WWOX: variants seen among roughly 807,000 people sequenced by gnomAD.
The protein encoded by WWOX is WW domain-containing oxidoreductase.
Under a neutral mutation model 46.2 loss-of-function variants are expected in WWOX, and 69 were observed. That is an observed-to-expected ratio of 1.49 (90% CI 1.23 to 1.82). The LOEUF (loss-of-function observed/expected upper bound fraction) is 1.82. Ranked by LOEUF, WWOX falls within the 40% of genes most tolerant of loss-of-function variation. The probability of loss-of-function intolerance (pLI) is 0.00; values close to 1 mark genes in which losing one functional copy is unlikely to be tolerated. For missense variants in WWOX, 919 were observed against 542.6 expected, an observed-to-expected ratio of 1.69 and a Z score of -6.89; for synonymous variants, 359 against 202.6, an observed-to-expected ratio of 1.77 and a Z score of -6.56.
At position 78,805,966 on chromosome 16, in the gene WWOX, G is replaced by A. The variant is rs896187931; in HGVS notation, c.1056+373214G>A. The stretch of plus-strand genomic sequence containing the variant: ...ACACCCAATGCCACCCTATAATCTC[G>A]AGACAGAAGTGGAGGATCCTCTTAA... On this transcript the variant is annotated intron_variant, in intron 8 of 8. Coordinates refer to ENST00000566780, the MANE Select transcript of WWOX (RefSeq NM_016373.4). Among the ~76,000 whole-genome samples the A allele has an allele frequency of 2.0e-5, 3 of 152,060 alleles. No individual in the cohort carries two copies. The East Asian group carries it at 5.8e-4, about 29-fold the overall frequency.
At chr16:78,815,890 A>G (rs1019411562) in intron 8 of WWOX, among the ~76,000 whole-genome samples, 8 of 152,122 alleles carry the variant, frequency 5.3e-5, no homozygotes, top group Non-Finnish European at 1.2e-4. Flanking sequence ...CTTCCAAGAT[A>G]TATACAGGGC....
chr16:78,115,323 C>T (rs2032724878), intron 4 of WWOX, among the ~76,000 whole-genome samples, 169 bp downstream of exon 4: 2 of 152,186 alleles, frequency 1.3e-5, no homozygotes, highest in South Asian at 2.1e-4. Flanking sequence ...CTAATGTTGT[C>T]ATGGAAGCCT....
intron 8 of WWOX, among the ~76,000 whole-genome samples, chr16:78,730,024 T>G (rs1046531955): frequency 2.0e-5 from 3 of 152,332 alleles, no homozygotes; most frequent in Admixed American, 6.5e-5. Flanking sequence ...TCCAGTTGTT[T>G]CTTATGATAA....
intron 8 of WWOX, among the ~76,000 whole-genome samples, chr16:79,060,141 T>C (rs2048333049): frequency 6.6e-6 from 1 of 152,222 alleles, no homozygotes; most frequent in South Asian, 2.1e-4. Context: ...TCCTCACCTA[T>C]ACTTGGGCAG....
chr16:78,387,513 A>G (rs1352861871), intron 6 of WWOX, among the ~76,000 whole-genome samples: 6 of 151,988 alleles, frequency 3.9e-5, no homozygotes, highest in African/African-American at 1.5e-4. Context: ...AGGGCCTAGC[A>G]TATTTTGATC....
At chr16:79,097,007 C>A (rs925366907) in intron 8 of WWOX, among the ~76,000 whole-genome samples, 1 of 151,892 alleles carries the variant, frequency 6.6e-6, no homozygotes, top group African/African-American at 2.4e-5. Flanking sequence ...GGTTTTGCAA[C>A]TTTCTGTGGC....
intron 8 of WWOX, among the ~76,000 whole-genome samples, chr16:79,099,575 T>C (rs1223724038): frequency 1.4e-5 from 2 of 143,640 alleles, no homozygotes; most frequent in African/African-American, 5.4e-5. Context: ...TGTGTGTGCG[T>C]GTGTGTGTGT....
intron 8 of WWOX, among the ~76,000 whole-genome samples, chr16:78,624,846 A>ATATCG: frequency 6.6e-6 from 1 of 152,216 alleles, no homozygotes; most frequent in African/African-American, 2.4e-5. Flanking sequence ...AAAGGAGCAG[A>ATATCG]TATCGTATGA....
intron 8 of WWOX, among the ~76,000 whole-genome samples, chr16:78,618,580 G>A (rs899687422): frequency 6.6e-6 from 1 of 152,154 alleles, no homozygotes; most frequent in East Asian, 1.9e-4. Context: ...TCCAAACACA[G>A]TCACATTGTG....
chr16:78,941,254 G>A (rs1597181622), intron 8 of WWOX, among the ~76,000 whole-genome samples: 1 of 152,070 alleles, frequency 6.6e-6, no homozygotes, highest in African/African-American at 2.4e-5. Context: ...TTCTGCGGTC[G>A]CTTGGAGGAT....
intron 5 of WWOX, among the ~76,000 whole-genome samples, chr16:78,171,568 G>C (rs930643933): frequency 6.6e-6 from 1 of 152,046 alleles, no homozygotes; most frequent in South Asian, 2.1e-4. Flanking sequence ...ATTCGTCAAC[G>C]CATCACAAGT....
intron 4 of WWOX, among the ~76,000 whole-genome samples, chr16:78,134,718 C>T (rs1374550576): frequency 6.6e-6 from 1 of 152,118 alleles, no homozygotes; most frequent in Admixed American, 6.5e-5. Context: ...AACTTGGGAT[C>T]ATTTAGGTGT....
At chr16:78,154,416 C>G (rs552710641) in intron 4 of WWOX, among the ~76,000 whole-genome samples, 1 of 151,048 alleles carries the variant, frequency 6.6e-6, no homozygotes, top group South Asian at 2.1e-4. Flanking sequence ...TTTTCGCTTG[C>G]TTCATGGAGC....
At chr16:79,188,531 C>A (rs922736840) in intron 8 of WWOX, among the ~76,000 whole-genome samples, 1 of 152,176 alleles carries the variant, frequency 6.6e-6, no homozygotes, top group Non-Finnish European at 1.5e-5. Context: ...AATTGGAATG[C>A]CTCAGAATCA....
chr16:78,345,745 C>T (rs2081085040), intron 5 of WWOX, among the ~76,000 whole-genome samples: 1 of 113,954 alleles, frequency 8.8e-6, no homozygotes, highest in African/African-American at 3.0e-5. Flanking sequence ...TACTGCTGTT[C>T]TTAACTCTGA....
intron 8 of WWOX, among the ~76,000 whole-genome samples, chr16:78,511,774 G>A (rs2085367303): frequency 6.6e-6 from 1 of 152,138 alleles, no homozygotes; most frequent in Non-Finnish European, 1.5e-5. Context: ...CTTGAAATTT[G>A]TCCTCAGCTG....
intron 4 of WWOX, among the ~76,000 whole-genome samples, chr16:78,155,510 C>T (rs1264920297): frequency 6.6e-6 from 1 of 152,154 alleles, no homozygotes; most frequent in Admixed American, 6.5e-5. Flanking sequence ...CCTCCATGGC[C>T]ACGTCATTTT....
intron 8 of WWOX, among the ~76,000 whole-genome samples, chr16:78,990,480 A>G (rs2046864977): frequency 6.6e-6 from 1 of 152,122 alleles, no homozygotes; most frequent in African/African-American, 2.4e-5. Context: ...CAGCTGTGTT[A>G]CTGCAAACTC....
chr16:78,251,554 A>G (rs1256619380), intron 5 of WWOX, among the ~76,000 whole-genome samples: 1 of 152,206 alleles, frequency 6.6e-6, no homozygotes, highest in African/African-American at 2.4e-5. Flanking sequence ...GAAGGTCTAC[A>G]TCAAATCAGC....
Sources: allele counts gnomAD v4.1 joint callset (sites outside exome capture counted in the v4.1 genomes callset), GRCh38; gene constraint gnomAD v4.1.1; transcripts MANE v1.5; gene names NCBI Gene and HGNC (gene_info 2026-07-23, HGNC 2026-07-21).